CSMD1: variants seen among roughly 807,000 people sequenced by gnomAD.
CSMD1 encodes CUB and Sushi multiple domains 1.
In CSMD1, 213 loss-of-function variants were observed where a neutral mutation model predicts 417.5. The observed-to-expected ratio is 0.51, with a 90% CI of 0.46 to 0.57. CSMD1 has a LOEUF of 0.57. CSMD1 is among the 20% of genes least tolerant of loss of function. The pLI is 0.00. For missense variants in CSMD1, 6,923 were observed against 4,529.7 expected, an observed-to-expected ratio of 1.53 and a Z score of -15.17; for synonymous variants, 2,862 against 1,736.8, an observed-to-expected ratio of 1.65 and a Z score of -16.11.
chr8:4,330,532 G>T (rs907752361), intron 3 of CSMD1, among the ~76,000 whole-genome samples: 1 of 150,754 alleles, frequency 6.6e-6, no homozygotes, highest in African/African-American at 2.4e-5. Flanking sequence ...AGAGGTTACA[G>T]TAAGCCAAGA....
At position 4,478,319 on chromosome 8, in the gene CSMD1, T is replaced by C. The variant is rs146179572; in HGVS notation, c.303-58254A>G. 2.5e-3 allele frequency among the ~76,000 whole-genome samples: 376 copies of C among 152,324 alleles called. 4 individuals carry two copies. Among genetic ancestry groups the C allele is most frequent in the Non-Finnish European group, 2.4e-3 (163 of 68,026 alleles). The stretch of plus-strand genomic sequence containing the variant: ...ACTCAAAGCAACATGAGTTGCCTCA[T>C]GTGACAGTTTAATTTATTTTTACAT... On this transcript the variant is annotated intron_variant, in intron 2 of 69. Coordinates refer to ENST00000635120, the MANE Select transcript of CSMD1 (RefSeq NM_033225.6).
At chr8:4,959,031 G>C (rs1165284898) in intron 1 of CSMD1, among the ~76,000 whole-genome samples, 2 of 152,134 alleles carry the variant, frequency 1.3e-5, no homozygotes, top group African/African-American at 4.8e-5. Context: ...AGATTATCAA[G>C]CCATGCTATA....
At chr8:4,769,039 G>A (rs899831626) in intron 1 of CSMD1, among the ~76,000 whole-genome samples, 24 of 152,110 alleles carry the variant, frequency 1.6e-4, no homozygotes, top group Non-Finnish European at 1.2e-4. Flanking sequence ...AAGCCATCTC[G>A]GGGAATATCA....
At chr8:4,915,384 T>A (rs1032661862) in intron 1 of CSMD1, among the ~76,000 whole-genome samples, 5 of 152,252 alleles carry the variant, frequency 3.3e-5, no homozygotes, top group Non-Finnish European at 7.3e-5. Flanking sequence ...TCGTAGATTC[T>A]GATCCGTATT....
chr8:4,974,703 C>G (rs866380628), intron 1 of CSMD1, among the ~76,000 whole-genome samples: 1 of 152,082 alleles, frequency 6.6e-6, no homozygotes, highest in African/African-American at 2.4e-5. Flanking sequence ...AGACAGATGT[C>G]GAAGGATAAC....
intron 3 of CSMD1, among the ~76,000 whole-genome samples, chr8:4,304,144 A>G (rs943669153): frequency 1.2e-4 from 18 of 152,220 alleles, no homozygotes; most frequent in Admixed American, 2.0e-4. Context: ...GAATTTTCAA[A>G]TAAAACAATT....
At chr8:3,731,797 G>A (rs998462556) in intron 6 of CSMD1, among the ~76,000 whole-genome samples, 1 of 152,082 alleles carries the variant, frequency 6.6e-6, no homozygotes, top group Admixed American at 6.6e-5. Context: ...CTTATGTTTT[G>A]GACATGTGAT....
In CSMD1 at chr8:3,028,445, T is replaced by C. The variant is rs1167745162; in HGVS notation, c.7855+874A>G. Among the ~76,000 whole-genome samples the C allele has an allele frequency of 2.0e-5, 3 of 152,128 alleles. No individual in the cohort carries two copies. In the East Asian group the frequency reaches 5.8e-4, roughly 29 times the overall value. Reference sequence around the variant, plus strand: ...GTTCAGAGTGACAAGCAATCACTAATAAACACCTGGAAAACAGGCTTCAGG... The same window carrying C: ...GTTCAGAGTGACAAGCAATCACTAACAAACACCTGGAAAACAGGCTTCAGG... On this transcript the variant is annotated intron_variant, in intron 51 of 69. Coordinates refer to ENST00000635120, the MANE Select transcript of CSMD1 (RefSeq NM_033225.6).
chr8:4,937,161 T>C (rs1464461672), intron 1 of CSMD1, among the ~76,000 whole-genome samples: 1 of 152,126 alleles, frequency 6.6e-6, no homozygotes, highest in Non-Finnish European at 1.5e-5. Flanking sequence ...TGCAGTGAGC[T>C]CTGATCCTGA....
At chr8:4,656,243 C>T (rs1020969684) in intron 1 of CSMD1, among the ~76,000 whole-genome samples, 1 of 151,956 alleles carries the variant, frequency 6.6e-6, no homozygotes, top group African/African-American at 2.4e-5. Context: ...GGTTAGGAGC[C>T]AGACTTTCAG....
intron 59 of CSMD1, among the ~76,000 whole-genome samples, chr8:2,964,664 G>A (rs1035127687): frequency 4.6e-5 from 7 of 152,184 alleles, no homozygotes; most frequent in African/African-American, 1.7e-4. Flanking sequence ...ACAACGTAGT[G>A]CATTTTCATT....
intron 1 of CSMD1, among the ~76,000 whole-genome samples, chr8:4,868,041 C>T (rs1802518835): frequency 6.6e-6 from 1 of 152,120 alleles, no homozygotes; most frequent in African/African-American, 2.4e-5. Flanking sequence ...AAAATCACTG[C>T]TTTCCCTGGA....
intron 2 of CSMD1, among the ~76,000 whole-genome samples, chr8:4,455,929 CAA>C (rs71207091): frequency 1.4e-3 from 16 of 11,638 alleles, no homozygotes; most frequent in Admixed American, 4.6e-3. Flanking sequence ...ACTCCAACTC[CAA>C]AAAAAAAAAA....
At chr8:4,133,231 C>A (rs1803218916) in intron 3 of CSMD1, among the ~76,000 whole-genome samples, 1 of 152,096 alleles carries the variant, frequency 6.6e-6, no homozygotes, top group South Asian at 2.1e-4. Context: ...TCACCATGCC[C>A]AGCTGGTAAA....
At chr8:4,425,225 G>A (rs1041052908) in intron 2 of CSMD1, among the ~76,000 whole-genome samples, 1 of 151,942 alleles carries the variant, frequency 6.6e-6, no homozygotes, top group Non-Finnish European at 1.5e-5. Flanking sequence ...TCAGGAAGTA[G>A]GAACAAGATA....
intron 1 of CSMD1, among the ~76,000 whole-genome samples, chr8:4,652,726 A>G (rs910876576): frequency 6.6e-6 from 1 of 152,142 alleles, no homozygotes; most frequent in African/African-American, 2.4e-5. Context: ...CAAGCTCTAG[A>G]GCAGCAGTCT....
chr8:3,377,219 C>G (rs1168210152), intron 18 of CSMD1, among the ~76,000 whole-genome samples: 2 of 152,080 alleles, frequency 1.3e-5, no homozygotes, highest in Non-Finnish European at 2.9e-5. Context: ...ACTGTGTTGC[C>G]CAGGCTGGCC....
intron 1 of CSMD1, among the ~76,000 whole-genome samples, chr8:4,928,412 G>A (rs1315055684): frequency 6.6e-6 from 1 of 152,242 alleles, no homozygotes; most frequent in African/African-American, 2.4e-5. Context: ...TTCCCTGATT[G>A]TCTCTGATAC....
At chr8:4,014,800 C>T (rs1563319918) in intron 4 of CSMD1, among the ~76,000 whole-genome samples, 1 of 152,146 alleles carries the variant, frequency 6.6e-6, no homozygotes, top group Admixed American at 6.5e-5. Context: ...TAGACACATT[C>T]ATCTTTACAG....
Sources: gnomAD v4.1 joint callset for allele counts (sites outside exome capture counted in the v4.1 genomes callset) on GRCh38, gnomAD v4.1.1 for gene constraint, MANE v1.5 for transcripts, NCBI Gene and HGNC (gene_info 2026-07-23, HGNC 2026-07-21) for gene names.